LTAP1: variants seen among roughly 807,000 people sequenced by gnomAD.
LTAP1 encodes the protein lipid transport auxiliary protein 1.
the LTAP1 span, among the ~76,000 whole-genome samples, chr1:154,216,408 C>T: frequency 6.6e-6 from 1 of 152,032 alleles, no homozygotes; most frequent in African/African-American, 2.4e-5. Context: ...AATCTCAGCT[C>T]ACTATAACCT....
the LTAP1 span, among the ~76,000 whole-genome samples, chr1:154,208,765 T>C: frequency 6.6e-6 from 1 of 152,204 alleles, no homozygotes; most frequent in Admixed American, 6.6e-5. Context: ...TTTTTTGTTT[T>C]TGAGATGGAG....
At chr1:154,220,136 C>G in the LTAP1 span, 12 of 735,860 alleles carry the variant, frequency 1.6e-5, no homozygotes, top group Non-Finnish European at 2.7e-5. Context: ...GGTCTGTGCT[C>G]TAGCGTTAAA....
chr1:154,211,324 CTTTTTTTTTTTTTTTTTTTT>C, the LTAP1 span, among the ~76,000 whole-genome samples: 11 of 34,028 alleles, frequency 3.2e-4, no homozygotes, highest in Admixed American at 7.7e-4. Context: ...TTATTTAATT[CTTTTTTTTTTTTTTTTTTTT>C]TTTTTTTTTT....
the LTAP1 span, among the ~76,000 whole-genome samples, chr1:154,214,198 A>G: frequency 6.6e-6 from 1 of 152,168 alleles, no homozygotes; most frequent in Non-Finnish European, 1.5e-5. Context: ...AATTGCTTGA[A>G]CAAGGGGGTG....
chr1:154,217,647 C>T, the LTAP1 span, among the ~76,000 whole-genome samples: 1 of 152,050 alleles, frequency 6.6e-6, no homozygotes, highest in Non-Finnish European at 1.5e-5. Flanking sequence ...ATTCTCCTAC[C>T]TCAGCGTCCC....
the LTAP1 span, chr1:154,213,056 C>T: frequency 2.9e-4 from 48 of 164,704 alleles, no homozygotes; most frequent in Non-Finnish European, 5.2e-4. Flanking sequence ...CCTGTAATTA[C>T]AGCAATTTGG....
At chr1:154,220,530 G>T in the LTAP1 span, 4 of 1,071,422 alleles carry the variant, frequency 3.7e-6, no homozygotes, top group African/African-American at 4.7e-5. Context: ...CCTTACGGGG[G>T]AAGACCAAGC....
the LTAP1 span, chr1:154,213,956 A>G: frequency 8.1e-6 from 13 of 1,611,538 alleles, no homozygotes; most frequent in South Asian, 1.4e-4. Flanking sequence ...CCTGTTGAGG[A>G]AAAGACTGGT....
chr1:154,214,975 G>A, the LTAP1 span, among the ~76,000 whole-genome samples: 1 of 151,744 alleles, frequency 6.6e-6, no homozygotes, highest in South Asian at 2.1e-4. Flanking sequence ...CTCCAGAGTA[G>A]CTGGGATTAT....
At chr1:154,207,432 G>A in the LTAP1 span, 8 of 1,612,022 alleles carry the variant, frequency 5.0e-6, no homozygotes, top group Admixed American at 3.3e-5. Context: ...CTTAATCTAC[G>A]GCAAGAGTCC....
chr1:154,211,754 T>C, the LTAP1 span: 1 of 153,944 alleles, frequency 6.5e-6, no homozygotes, highest in Non-Finnish European at 1.4e-5. Context: ...TACACCAATT[T>C]TGACATTTTA....
the LTAP1 span, chr1:154,207,495 C>G: frequency 1.2e-6 from 2 of 1,614,128 alleles, no homozygotes; most frequent in Non-Finnish European, 1.7e-6. Flanking sequence ...CCTTAAAGCT[C>G]TTCAATTCAA....
At chr1:154,215,289 G>A in the LTAP1 span, among the ~76,000 whole-genome samples, 2 of 152,120 alleles carry the variant, frequency 1.3e-5, no homozygotes, top group Non-Finnish European at 2.9e-5. Flanking sequence ...TAAAGGGGCC[G>A]GGTGCTGTGG....
chr1:154,219,991 T>TG, the LTAP1 span: 94 of 1,448,156 alleles, frequency 6.5e-5, no homozygotes, highest in South Asian at 5.2e-4. Context: ...TGTTTTGTTT[T>TG]TTTTTTAAAA....
the LTAP1 span, chr1:154,214,396 G>A: frequency 8.8e-7 from 1 of 1,134,078 alleles, no homozygotes. Context: ...AACTCTGAGA[G>A]AAAAGGAATT....
chr1:154,214,845 T>A, the LTAP1 span, among the ~76,000 whole-genome samples: 1 of 70,988 alleles, frequency 1.4e-5, no homozygotes, highest in African/African-American at 3.1e-5. Flanking sequence ...TTATTTCCAA[T>A]TTTTTTTTTT....
At chr1:154,210,559 C>G in the LTAP1 span, among the ~76,000 whole-genome samples, 34 of 152,312 alleles carry the variant, frequency 2.2e-4, no homozygotes, top group Non-Finnish European at 3.7e-4. Context: ...CTCACTGCAA[C>G]CTCCACCTCC....
At chr1:154,208,896 TACC>T in the LTAP1 span, among the ~76,000 whole-genome samples, 5 of 152,096 alleles carry the variant, frequency 3.3e-5, no homozygotes, top group African/African-American at 1.2e-4. Flanking sequence ...TGCAGGTGCA[TACC>T]ACAATGCCCA....
chr1:154,207,531 C>T, the LTAP1 span: 3 of 1,614,074 alleles, frequency 1.9e-6, no homozygotes, highest in Non-Finnish European at 1.7e-6. Context: ...GTTTACTCTT[C>T]TGACTGGAGG....
Sources: allele counts gnomAD v4.1 joint callset (sites outside exome capture counted in the v4.1 genomes callset), GRCh38; gene constraint gnomAD v4.1.1; transcripts MANE v1.5; gene names NCBI Gene and HGNC (gene_info 2026-07-23, HGNC 2026-07-21).